KLF2: variants seen among roughly 807,000 people sequenced by gnomAD.
KLF2 encodes the protein Krueppel-like factor 2.
A neutral mutation model predicts 22.2 loss-of-function variants in KLF2; 9 were observed. The ratio of observed to expected loss-of-function variants is 0.40; its 90% CI spans 0.24 to 0.71. The LOEUF is 0.71. Ranked by LOEUF, KLF2 falls within the 30% of genes least tolerant of loss-of-function variation. The probability of loss-of-function intolerance (pLI) is 0.35; values close to 1 mark genes in which losing one functional copy is unlikely to be tolerated. For synonymous variants in KLF2, 299 were observed against 264.2 expected, an observed-to-expected ratio of 1.13 and a Z score of -1.28; for missense variants, 481 against 542.1, an observed-to-expected ratio of 0.89 and a Z score of 1.12.
In KLF2 at chr19:16,325,490, C is replaced by G; in HGVS notation, c.350C>G (p.Pro117Arg). ...ALHGRFLLAP[P>R]GRLVKAEPPE... ...CACGGCCGCTTTCTGCTGGCGCCGC[C>G]CGGCCGCCTGGTCAAGGCCGAGCCC... Residue 117 changes from proline to arginine, a missense_variant, in exon 2 of 3, where the codon CCC becomes CGC. By Grantham distance (103) the Pro-to-Arg change is moderately radical. Around this residue, in one of 2 missense-constraint regions of KLF2, gnomAD observed 421 missense variants for 435.1 expected, o/e 0.97. Transcript: ENST00000248071. 7.4e-7 allele frequency: 1 copy of G among 1,355,632 alleles called. No homozygotes were observed. Among genetic ancestry groups the G allele is most frequent in the East Asian group, 3.2e-5 (1 of 31,304 alleles). 84.0% of individuals were successfully genotyped at this position (1,355,632 alleles called of 1,614,324 possible).
rs1568375125 is a variant in KLF2 at position 16,325,332 on chromosome 19, G to T, written c.192G>T (p.Pro64=). The T allele has an allele frequency of 2.7e-6, 4 of 1,473,298 alleles. No individual in the cohort carries two copies. In the South Asian group the frequency reaches 5.2e-5, roughly 19 times the overall value. The allele number at this position is 1,473,298 out of a possible 1,614,324, so 91.3% of individuals were successfully genotyped here. The change falls in exon 2 of 3, where the codon CCG becomes CCT. Residue 64 remains proline, a synonymous_variant. Coordinates refer to ENST00000248071, the MANE Select transcript of KLF2 (RefSeq NM_016270.4). ...DGLGAEAAPE[P]PPPPPPPAFY... ...TGGGCGCCGAGGCCGCCCCGGAGCC[G>T]CCGCCGCCGCCCCCGCCGCCTGCGT... is the stretch of plus-strand genomic sequence containing the variant.
chr19:16,325,446 G>C lies in KLF2; in HGVS notation c.306G>C (p.Ala102=). ...VSELLRPELD[A]PLGPALHGRF... is the part of the protein sequence containing the mutation. Reference sequence around the variant, plus strand: ...AGCTGCTGCGACCCGAGCTGGATGCGCCGCTGGGGCCCGCACTGCACGGCC... The same window carrying C: ...AGCTGCTGCGACCCGAGCTGGATGCCCCGCTGGGGCCCGCACTGCACGGCC... Residue 102 remains alanine, a synonymous_variant, in exon 2 of 3, where the codon GCG becomes GCC. Coordinates refer to ENST00000248071, the MANE Select transcript of KLF2 (RefSeq NM_016270.4). The C allele has an allele frequency of 7.1e-7, 1 of 1,411,320 alleles. No individual in the cohort carries two copies. The highest frequency in any genetic ancestry group is 1.5e-5 in the South Asian group (1 of 67,502). The allele number at this position is 1,411,320 out of a possible 1,614,324, so 87.4% of individuals were successfully genotyped here. A position where few individuals can be genotyped will look rare whatever the true frequency, so the allele number is the denominator to read the frequency against.
At chr19:16,325,024 G>A (rs1270864087) in intron 1 of KLF2, 26 bp downstream of exon 1, 5 of 1,544,624 alleles carry the variant, frequency 3.2e-6, no homozygotes, top group Admixed American at 2.0e-5. Flanking sequence ...ACGGCGGGGC[G>A]GCCGGGACCG....
rs991967679 is a variant in KLF2, at chr19:16,324,844, G to T, written c.-80G>T. 2 of 1,207,080 alleles carry T rather than the reference G, an allele frequency of 1.7e-6. No homozygotes were observed. Among genetic ancestry groups the T allele is most frequent in the African/African-American group, 3.2e-5 (2 of 61,792 alleles). 74.8% of individuals were successfully genotyped at this position (1,207,080 alleles called of 1,614,324 possible). A position where few individuals can be genotyped will look rare whatever the true frequency, so the allele number is the denominator to read the frequency against. ...GCGGCCCACAGAGCCGTCCCCGCCC[G>T]CCCGCGCCCCGACCAGCCCGGCCTC... On this transcript the variant is annotated 5_prime_UTR_variant, in exon 1 of 3. Coordinates refer to ENST00000248071, the MANE Select transcript of KLF2 (RefSeq NM_016270.4).
chr19:16,326,604 T>A (rs747806125), intron 2 of KLF2, among the ~76,000 whole-genome samples: 49 of 151,756 alleles, frequency 3.2e-4, no homozygotes, highest in Non-Finnish European at 6.5e-4. Context: ...AGAGGGTGCA[T>A]GCTTAGGACC....
intron 2 of KLF2, among the ~76,000 whole-genome samples, chr19:16,326,552 G>T (rs2091890852): frequency 6.6e-6 from 1 of 152,008 alleles, no homozygotes; most frequent in South Asian, 2.1e-4. Flanking sequence ...GGGAGTGTTC[G>T]CTGGGAAACC....
chr19:16,325,677 C>T lies in KLF2; in HGVS notation c.537C>T (p.Asp179=), dbSNP rs886987275. The part of the protein sequence containing the change: ...PPPDTPPLSP[D]GPARLPAPGP... The stretch of plus-strand genomic sequence containing the variant: ...CCGACACACCGCCGCTCAGCCCCGA[C>T]GGCCCCGCGCGCCTGCCCGCGCCCG... Residue 179 remains aspartate, a synonymous_variant, in exon 2 of 3, where the codon GAC becomes GAT. Coordinates refer to ENST00000248071, the MANE Select transcript of KLF2 (RefSeq NM_016270.4). 2.0e-4 allele frequency: 220 copies of T among 1,093,538 alleles called. No individual in the cohort carries two copies. In the African/African-American group the frequency reaches 3.5e-3, roughly 18 times the overall value. The allele number at this position is 1,093,538 out of a possible 1,614,324, so 67.7% of individuals were successfully genotyped here.
rs529454861 is a variant in KLF2, at chr19:16,325,029, G to C, written c.75+31G>C. 166 of 1,538,358 alleles carry C rather than the reference G, an allele frequency of 1.1e-4. No homozygotes were observed. In the African/African-American group the frequency reaches 1.8e-3, roughly 17 times the overall value. On this transcript the variant is annotated intron_variant, in intron 1 of 2. Transcript: ENST00000248071. ...GGCGGCGGGGACGGCGGGGCGGCCG[G>C]GACCGTGGGCGGCGGGCTCGGGGTA... is the stretch of plus-strand genomic sequence containing the variant.
At chr19:16,326,511 C>T (rs977169817) in intron 2 of KLF2, among the ~76,000 whole-genome samples, 5 of 151,946 alleles carry the variant, frequency 3.3e-5, no homozygotes, top group African/African-American at 7.3e-5. Flanking sequence ...GCTTGGGACT[C>T]CTCTGGGGAC....
At position 16,327,954 on chromosome 19, in the gene KLF2, A is replaced by C. The variant is rs2091895221; in HGVS notation, c.*923A>C. On this transcript the variant is annotated 3_prime_UTR_variant, in exon 3 of 3. Coordinates refer to ENST00000248071, the MANE Select transcript of KLF2 (RefSeq NM_016270.4). ...ATTTTTAAAGGGGGTTAACCTGCTG[A>C]GTTTCTGGCATGTTCTGCCCTTTAC... 1 of 151,848 alleles carries C rather than the reference A, an allele frequency of 6.6e-6. No individual in the cohort carries two copies. Among genetic ancestry groups the C allele is most frequent in the Non-Finnish European group, 1.5e-5 (1 of 68,006 alleles). 9.4% of individuals were successfully genotyped at this position (151,848 alleles called of 1,614,324 possible).
Position 16,324,851 on chromosome 19 carries a change from C to G in KLF2, c.-73C>G, listed in dbSNP as rs2091882664. 3 of 1,332,386 alleles carry G rather than the reference C, an allele frequency of 2.3e-6. No homozygotes were observed. Among genetic ancestry groups the G allele is most frequent in the Admixed American group, 4.3e-5 (2 of 46,902 alleles). The allele number at this position is 1,332,386 out of a possible 1,614,324, so 82.5% of individuals were successfully genotyped here. On this transcript the variant is annotated 5_prime_UTR_variant, in exon 1 of 3. Coordinates refer to ENST00000248071, the MANE Select transcript of KLF2 (RefSeq NM_016270.4). ...ACAGAGCCGTCCCCGCCCGCCCGCGCCCCGACCAGCCCGGCCTCGGGCAGC... is the reference window on the plus strand; with the variant it reads ...ACAGAGCCGTCCCCGCCCGCCCGCGGCCCGACCAGCCCGGCCTCGGGCAGC...
chr19:16,325,325 C>G lies in KLF2; in HGVS notation c.185C>G (p.Pro62Arg). ...GATGGCCTGGGCGCCGAGGCCGCCC[C>G]GGAGCCGCCGCCGCCGCCCCCGCCG... ...GLDGLGAEAA[P>R]EPPPPPPPPA... Residue 62 changes from proline to arginine, a missense_variant, in exon 2 of 3, where the codon CCG becomes CGG. Physicochemically the swap from Pro to Arg is moderately radical, Grantham distance 103 (BLOSUM62 -2). Coordinates refer to ENST00000248071, the MANE Select transcript of KLF2 (RefSeq NM_016270.4). 3 of 1,480,152 alleles carry G rather than the reference C, an allele frequency of 2.0e-6. No homozygotes were observed. Among genetic ancestry groups the G allele is most frequent in the Non-Finnish European group, 2.7e-6 (3 of 1,122,396 alleles). The allele number at this position is 1,480,152 out of a possible 1,614,324, so 91.7% of individuals were successfully genotyped here.
At chr19:16,326,555 G>T (rs1252176223) in intron 2 of KLF2, among the ~76,000 whole-genome samples, 1 of 152,016 alleles carries the variant, frequency 6.6e-6, no homozygotes. Flanking sequence ...AGTGTTCGCT[G>T]GGAAACCTTG....
intron 2 of KLF2, 94 bp downstream of exon 2, chr19:16,326,126 C>T (rs1473881746): frequency 1.3e-5 from 16 of 1,246,930 alleles, no homozygotes; most frequent in Middle Eastern, 5.3e-4. Flanking sequence ...TTTAGGACCT[C>T]CCTTGGGGCG....
At position 16,324,827 on chromosome 19, in the gene KLF2, C is replaced by G; in HGVS notation, c.-97C>G. On this transcript the variant is annotated 5_prime_UTR_variant, in exon 1 of 3. Coordinates refer to ENST00000248071, the MANE Select transcript of KLF2 (RefSeq NM_016270.4). ...CTTGGGCGGGCCCGGCCGCGGCCCA[C>G]AGAGCCGTCCCCGCCCGCCCGCGCC... 1 of 1,056,182 alleles carries G rather than the reference C, an allele frequency of 9.5e-7. No individual in the cohort carries two copies. Among genetic ancestry groups the G allele is most frequent in the Non-Finnish European group, 1.3e-6 (1 of 747,952 alleles). 65.4% of individuals were successfully genotyped at this position (1,056,182 alleles called of 1,614,324 possible).
Position 16,325,553 on chromosome 19 carries a change from C to T in KLF2, c.413C>T (p.Pro138Leu), listed in dbSNP as rs1599497200. 3 of 1,222,062 alleles carry T rather than the reference C, an allele frequency of 2.5e-6. No individual in the cohort carries two copies. Among genetic ancestry groups the T allele is most frequent in the Non-Finnish European group, 2.0e-6 (2 of 980,982 alleles). The allele number at this position is 1,222,062 out of a possible 1,614,324, so 75.7% of individuals were successfully genotyped here. A position where few individuals can be genotyped will look rare whatever the true frequency, so the allele number is the denominator to read the frequency against. The part of the protein sequence containing the change: ...ADGGGGYGCA[P>L]GLTRGPRGLK... Reference sequence around the variant, plus strand: ...GGCGGCGGCGGCTACGGCTGCGCCCCCGGGCTGACCCGTGGACCGCGCGGC... The same window carrying T: ...GGCGGCGGCGGCTACGGCTGCGCCCTCGGGCTGACCCGTGGACCGCGCGGC... Residue 138 changes from proline (P) to leucine (L), a missense_variant, in exon 2 of 3, where the codon CCC (proline) becomes CTC (leucine). Pro to Leu is a moderately conservative substitution (Grantham distance 98, BLOSUM62 -3). Transcript: ENST00000248071.
At position 16,325,643 on chromosome 19, in the gene KLF2, C is replaced by G. The variant is rs2145196457; in HGVS notation, c.503C>G (p.Pro168Arg). 1.9e-6 allele frequency: 2 copies of G among 1,069,696 alleles called. No individual in the cohort carries two copies. The highest frequency in any genetic ancestry group is 8.5e-5 in the South Asian group (2 of 23,636). 66.3% of individuals were successfully genotyped at this position (1,069,696 alleles called of 1,614,324 possible). The part of the protein sequence containing the change: ...SCMRGPGGRP[P>R]PPPDTPPLSP... The stretch of plus-strand genomic sequence containing the variant: ...ATGCGAGGTCCCGGGGGCCGCCCCC[C>G]GCCGCCGCCCGACACACCGCCGCTC... The change falls in exon 2 of 3, where the codon CCG becomes CGG. Residue 168 changes from proline to arginine, a missense_variant. By Grantham distance (103) the Pro-to-Arg change is moderately radical (BLOSUM62 -2). Around this residue, in one of 2 missense-constraint regions of KLF2, gnomAD observed 421 missense variants for 435.1 expected, o/e 0.97. Transcript: ENST00000248071.
chr19:16,327,175 C>CGAT lies in KLF2; in HGVS notation c.*146_*147insTGA. On this transcript the variant is annotated 3_prime_UTR_variant, in exon 3 of 3. Transcript: ENST00000248071. ...GGCTACAGAGGGTCTCCCTCGATGA[C>CGAT]GACGACGACGACGCCACCACCCCAG... is the stretch of plus-strand genomic sequence containing the variant. 4 of 676,480 alleles carry CGAT rather than the reference C, an allele frequency of 5.9e-6. No homozygotes were observed. The highest frequency in any genetic ancestry group is 9.3e-6 in the Non-Finnish European group (4 of 429,780). The allele number at this position is 676,480 out of a possible 1,614,324, so 41.9% of individuals were successfully genotyped here. A position where few individuals can be genotyped will look rare whatever the true frequency, so the allele number is the denominator to read the frequency against.
rs2091892004 is a variant in KLF2 at position 16,326,950 on chromosome 19, C to T, written c.987C>T (p.His329=). The T allele has an allele frequency of 6.2e-7, 1 of 1,613,494 alleles. No homozygotes were observed. Among genetic ancestry groups the T allele is most frequent in the African/African-American group, 1.3e-5 (1 of 74,924 alleles). ...LTRHYRKHTG[H]RPFQCHLCDR... ...GCCACTACCGAAAGCACACGGGCCA[C>T]CGGCCATTCCAGTGCCATCTGTGCG... The change falls in exon 3 of 3, where the codon CAC becomes CAT. Residue 329 remains histidine, a synonymous_variant. Transcript: ENST00000248071.
Sources: gnomAD v4.1 joint callset for allele counts (sites outside exome capture counted in the v4.1 genomes callset) on GRCh38, gnomAD v4.1.1 for gene constraint, gnomAD v4.1.1 regional missense constraint, MANE v1.5 for transcripts, NCBI Gene and HGNC (gene_info 2026-07-23, HGNC 2026-07-21) for gene names.